Variants in ADAM28 observed in about 807,000 individuals in gnomAD.
ADAM28 encodes the protein disintegrin and metalloproteinase domain-containing protein 28.
ADAM28 carries 105 observed loss-of-function variants against 101.2 expected under a neutral mutation model. The ratio of observed to expected loss-of-function variants is 1.04; its 90% confidence interval spans 0.89 to 1.22. ADAM28 has a LOEUF of 1.22. Among genes scored for constraint, ADAM28 ranks in the 50% most tolerant of loss-of-function variants. The pLI, the probability that ADAM28 is intolerant of heterozygous loss-of-function variation, is 0.00. For missense variants in ADAM28, 1,028 were observed against 945.4 expected (o/e 1.09, Z -1.15); for synonymous variants, 322 against 310.6 (o/e 1.04, Z -0.39).
chr8:24,319,124 G>C (rs958228106), intron 6 of ADAM28, among the ~76,000 whole-genome samples: 2 of 151,698 alleles, frequency 1.3e-5, no homozygotes, highest in African/African-American at 4.8e-5. Context: ...TTTTTTCTAT[G>C]CTCTAAATAT....
At chr8:24,316,061 CATTTATTTATTTATTTATTT>C (rs1008297441) in intron 6 of ADAM28, among the ~76,000 whole-genome samples, 1 of 122,396 alleles carries the variant, frequency 8.2e-6, no homozygotes, top group South Asian at 2.3e-4. Flanking sequence ...TCATAAAGGC[CATTTATTTATTTATTTATTT>C]ATTTATTTAT....
At chr8:24,337,240 G>A (rs959774323) in intron 14 of ADAM28, among the ~76,000 whole-genome samples, 1 of 152,226 alleles carries the variant, frequency 6.6e-6, no homozygotes, top group Non-Finnish European at 1.5e-5. Context: ...TCGTGGATGC[G>A]CCAGGTTAAA....
At chr8:24,335,185 G>C (rs1275521506) in intron 13 of ADAM28, among the ~76,000 whole-genome samples, 1 of 148,316 alleles carries the variant, frequency 6.7e-6, no homozygotes, top group Non-Finnish European at 1.5e-5. Flanking sequence ...TTTTCGTCCT[G>C]TACTTTTCTA....
Position 24,339,631 on chromosome 8 carries a change from C to T in ADAM28, c.1670+63C>T, listed in dbSNP as rs182427490. 1.5e-3 allele frequency: 2,005 copies of T among 1,355,016 alleles called. 4 individuals are homozygous for T. Among genetic ancestry groups the T allele is most frequent in the Admixed American group, 3.8e-3 (187 of 49,276 alleles). The allele number at this position is 1,355,016 out of a possible 1,614,324, so 83.9% of individuals were successfully genotyped here. ...TAGAGCAATGGTACACTTCCAGCTA[C>T]ACATTCTGATTTATTCCAGTTAAAG... On this transcript the variant is annotated intron_variant, in intron 15 of 22. Transcript: ENST00000265769.
At position 24,300,078 on chromosome 8, in the gene ADAM28, G is replaced by T. The variant is rs1439286933; in HGVS notation, c.150+1G>T. ...AGAGGCCAAAGAGCCAGAGCAACAG[G>T]TACAGCTTTTGATTTATCAAAGGAT... On this transcript the variant is annotated splice_donor_variant, in intron 2 of 22. Transcript: ENST00000265769. LOFTEE classifies it high-confidence loss of function. 3 of 1,610,616 alleles carry T rather than the reference G, an allele frequency of 1.9e-6. No individual in the cohort carries two copies. Among genetic ancestry groups the T allele is most frequent in the African/African-American group, 2.7e-5 (2 of 74,674 alleles).
intron 2 of ADAM28, among the ~76,000 whole-genome samples, chr8:24,305,886 G>A (rs1048845963): frequency 2.6e-5 from 4 of 152,018 alleles, no homozygotes; most frequent in African/African-American, 9.7e-5. Flanking sequence ...TAATATCTCA[G>A]GTGTCAGGTG....
intron 2 of ADAM28, among the ~76,000 whole-genome samples, chr8:24,302,295 A>G (rs188533882): frequency 6.6e-6 from 1 of 152,280 alleles, no homozygotes; most frequent in East Asian, 1.9e-4. Context: ...GTTGCATAGT[A>G]TTCCATGGTG....
chr8:24,352,747 C>G (rs1313891120), intron 21 of ADAM28, among the ~76,000 whole-genome samples: 1 of 152,156 alleles, frequency 6.6e-6, no homozygotes, highest in African/African-American at 2.4e-5. Flanking sequence ...TTACAATATT[C>G]TCATGGGTGG....
intron 8 of ADAM28, 68 bp from the exon 9 acceptor site, chr8:24,323,766 T>C: frequency 6.9e-7 from 1 of 1,439,336 alleles, no homozygotes. Context: ...ATACAAAATA[T>C]ATTGAAAATG....
intron 18 of ADAM28, among the ~76,000 whole-genome samples, 180 bp downstream of exon 18, chr8:24,343,764 G>T (rs1384626751): frequency 6.6e-6 from 1 of 151,996 alleles, no homozygotes; most frequent in South Asian, 2.1e-4. Flanking sequence ...TATTTTCCGT[G>T]TCTTCATTTT....
At position 24,355,514 on chromosome 8, in the gene ADAM28, T is replaced by A. The variant is rs1207139743; in HGVS notation, c.*1110T>A. The A allele has an allele frequency of 6.7e-6, 1 of 150,228 alleles. No individual in the cohort carries two copies. Among genetic ancestry groups the A allele is most frequent in the African/African-American group, 2.4e-5 (1 of 41,152 alleles). The allele number at this position is 150,228 out of a possible 1,614,324, so 9.3% of individuals were successfully genotyped here. On this transcript the variant is annotated 3_prime_UTR_variant, in exon 23 of 23. Coordinates refer to ENST00000265769, the MANE Select transcript of ADAM28 (RefSeq NM_014265.6). ...GGAGATGATTTTATAATCCTCCCCC[T>A]CCCTTTTTTTTTTTGCTAGTAAGAC...
intron 2 of ADAM28, among the ~76,000 whole-genome samples, chr8:24,306,389 A>ATATATATAT (rs1809688463): frequency 3.4e-5 from 4 of 117,376 alleles, no homozygotes; most frequent in African/African-American, 1.0e-4. Context: ...TATATATTTA[A>ATATATATAT]AAATATATAT....
intron 2 of ADAM28, among the ~76,000 whole-genome samples, chr8:24,306,146 G>A (rs1283625228): frequency 1.3e-5 from 2 of 151,492 alleles, no homozygotes; most frequent in African/African-American, 4.9e-5. Context: ...AGACTAGTCC[G>A]ACCAACATGG....
rs1175328782 is a variant in ADAM28, at chr8:24,325,888, A to AC, written c.891-666_891-665insC. 5.8e-3 allele frequency among the ~76,000 whole-genome samples: 788 copies of AC among 136,166 alleles called. 11 individuals are homozygous for AC. Among genetic ancestry groups the AC allele is most frequent in the East Asian group, 0.014 (58 of 4,268 alleles). The allele number at this position is 136,166 out of a possible 152,430, so 89.3% of individuals were successfully genotyped here. ...ACAGATAGCAAAAAAAAAAAAAAAA[A>AC]AAAAAAAAAAAACCAAAAAACAAAA... On this transcript the variant is annotated intron_variant, in intron 9 of 22. Coordinates refer to ENST00000265769, the MANE Select transcript of ADAM28 (RefSeq NM_014265.6).
At chr8:24,340,682 G>A (rs377082922) in intron 15 of ADAM28, among the ~76,000 whole-genome samples, 1 of 152,214 alleles carries the variant, frequency 6.6e-6, no homozygotes, top group Non-Finnish European at 1.5e-5. Flanking sequence ...GAAATTCCCT[G>A]TGCCCTAAAC....
At chr8:24,321,423 G>T in intron 8 of ADAM28, 134 bp downstream of exon 8, 1 of 758,686 alleles carries the variant, frequency 1.3e-6, no homozygotes, top group East Asian at 2.6e-5. Context: ...GGCTCCCAAA[G>T]GATGACCACA....
intron 1 of ADAM28, among the ~76,000 whole-genome samples, chr8:24,298,271 C>T (rs1031745884): frequency 6.6e-5 from 10 of 152,086 alleles, no homozygotes; most frequent in African/African-American, 1.9e-4. Context: ...TCTTACACCA[C>T]TGAAAGAAAA....
chr8:24,321,256 G>A lies in ADAM28; in HGVS notation c.687G>A (p.Lys229=), dbSNP rs202161203. 2 of 1,607,612 alleles carry A rather than the reference G, an allele frequency of 1.2e-6. No individual in the cohort carries two copies. Among genetic ancestry groups the A allele is most frequent in the African/African-American group, 2.7e-5 (2 of 74,572 alleles). ...ATGAGAATCAAGATGAGATCAGAAA[G>A]AGGGTATTTGAGATGGCTAATTATG... ...RYNENQDEIR[K]RVFEMANYVN... The change falls in exon 8 of 23, where the codon AAG becomes AAA. Residue 229 remains lysine, a synonymous_variant. Transcript: ENST00000265769.
At chr8:24,323,141 T>G (rs1265491901) in intron 8 of ADAM28, among the ~76,000 whole-genome samples, 1 of 151,882 alleles carries the variant, frequency 6.6e-6, no homozygotes, top group East Asian at 1.9e-4. Context: ...CTTCCTGGCT[T>G]GGAGACAGCT....
Sources: allele counts gnomAD v4.1 joint callset (sites outside exome capture counted in the v4.1 genomes callset), GRCh38; gene constraint gnomAD v4.1.1; transcripts MANE v1.5; gene names NCBI Gene and HGNC (gene_info 2026-07-23, HGNC 2026-07-21).